The following MRC1 variants were observed in gnomAD, a reference collection of about 807,000 sequenced individuals.
The protein encoded by MRC1 is mannose receptor C-type 1.
A neutral mutation model predicts 102.9 loss-of-function variants in MRC1; 62 were observed. The observed-to-expected ratio is 0.60, with a 90% CI of 0.49 to 0.74. The LOEUF (loss-of-function observed/expected upper bound fraction) is 0.74, where lower values mean the gene tolerates loss of function less well. MRC1 is among the 30% of genes least tolerant of loss of function. The pLI, the probability that MRC1 is intolerant of heterozygous loss-of-function variation, is 0.00. For synonymous variants in MRC1, 457 were observed against 298.4 expected (o/e 1.53, Z -5.48); for missense variants, 1,237 against 862.8 (o/e 1.43, Z -5.43).
intron 12 of MRC1, among the ~76,000 whole-genome samples, chr10:17,869,672 G>T (rs1399697353): frequency 6.6e-6 from 1 of 152,120 alleles, no homozygotes; most frequent in Non-Finnish European, 1.5e-5. Flanking sequence ...CCAGATGGTT[G>T]TCTGTGTTTG....
chr10:17,894,960 C>A (rs1300336780), intron 23 of MRC1, among the ~76,000 whole-genome samples: 1 of 152,116 alleles, frequency 6.6e-6, no homozygotes, highest in African/African-American at 2.4e-5. Context: ...ATTGCTTGAG[C>A]CCCCGCATTT....
chr10:17,842,797 G>A (rs1354226634), intron 5 of MRC1, among the ~76,000 whole-genome samples: 11 of 152,130 alleles, frequency 7.2e-5, no homozygotes, highest in Admixed American at 7.2e-4. Context: ...AAAACTTCCG[G>A]GTTAACTTTG....
chr10:17,824,412 G>T (rs1026651019), intron 2 of MRC1, among the ~76,000 whole-genome samples: 1 of 152,286 alleles, frequency 6.6e-6, no homozygotes, highest in South Asian at 2.1e-4. Context: ...ATGTTACGGG[G>T]CTACTAAGAT....
At chr10:17,810,543 T>C (rs1387595905) in intron 1 of MRC1, among the ~76,000 whole-genome samples, 1 of 152,248 alleles carries the variant, frequency 6.6e-6, no homozygotes, top group Admixed American at 6.5e-5. Context: ...ATCCTGTCTC[T>C]CTCACTCACT....
At chr10:17,835,085 C>T (rs1346488953) in intron 4 of MRC1, among the ~76,000 whole-genome samples, 2 of 152,194 alleles carry the variant, frequency 1.3e-5, no homozygotes, top group African/African-American at 4.8e-5. Context: ...ATTTTGCGGT[C>T]ACAACAAAAG....
intron 12 of MRC1, among the ~76,000 whole-genome samples, chr10:17,869,847 ATTC>A (rs1833329756): frequency 1.3e-5 from 2 of 152,270 alleles, no homozygotes; most frequent in East Asian, 3.9e-4. Context: ...TTTCCTTCAA[ATTC>A]TTCTTCTTCA....
intron 6 of MRC1, among the ~76,000 whole-genome samples, chr10:17,846,743 A>G (rs1838831525): frequency 6.6e-6 from 1 of 152,244 alleles, no homozygotes; most frequent in East Asian, 1.9e-4. Flanking sequence ...CATTCCACGT[A>G]GAATATAAAC....
Position 17,881,079 on chromosome 10 carries a change from T to A in MRC1, c.2878T>A (p.Phe960Ile), listed in dbSNP as rs1833508573. Residue 960 changes from phenylalanine to isoleucine, a missense_variant, in exon 21 of 30, where the codon TTT (phenylalanine) becomes ATT (isoleucine). By Grantham distance (21) the Phe-to-Ile change is conservative. Transcript: ENST00000569591. ...TCTTCCATCCCAGTGTTTCAAAATC[T>A]TTGGATTTATGGAAGAAGAAAGAAA... ...NFYSNKCFKI[F>I]GFMEEERKNW... The A allele has an allele frequency of 1.3e-6, 1 of 780,714 alleles. No homozygotes were observed. Among genetic ancestry groups the A allele is most frequent in the Non-Finnish European group, 2.4e-6 (1 of 417,930 alleles). 48.4% of individuals were successfully genotyped at this position (780,714 alleles called of 1,614,324 possible).
intron 26 of MRC1, among the ~76,000 whole-genome samples, chr10:17,904,168 T>C (rs1833867097): frequency 1.3e-5 from 2 of 152,342 alleles, no homozygotes; most frequent in East Asian, 3.9e-4. Flanking sequence ...GATAGAGTTA[T>C]ACATAAAAAG....
At chr10:17,906,742 A>G (rs1204696577) in intron 26 of MRC1, 144 bp from the exon 27 acceptor site, 3 of 734,968 alleles carry the variant, frequency 4.1e-6, no homozygotes, top group Non-Finnish European at 7.5e-6. Flanking sequence ...TTCTGAGGAA[A>G]CAAACACCTG....
intron 1 of MRC1, among the ~76,000 whole-genome samples, chr10:17,811,713 G>C (rs1838225863): frequency 6.6e-6 from 1 of 151,870 alleles, no homozygotes; most frequent in African/African-American, 2.4e-5. Flanking sequence ...GGGACTTTGG[G>C]CTTGAGCCAC....
chr10:17,897,025 A>G (rs1726209783), intron 23 of MRC1, among the ~76,000 whole-genome samples: 1 of 152,250 alleles, frequency 6.6e-6, no homozygotes, highest in Non-Finnish European at 1.5e-5. Flanking sequence ...GATCATAGGC[A>G]ATACACAAAC....
At chr10:17,847,928 T>TTTTC (rs1370771277) in intron 6 of MRC1, among the ~76,000 whole-genome samples, 2 of 151,046 alleles carry the variant, frequency 1.3e-5, no homozygotes, top group Admixed American at 6.6e-5. Context: ...TTTTTCTTCT[T>TTTTC]TTTTTTTTTG....
intron 5 of MRC1, among the ~76,000 whole-genome samples, chr10:17,841,656 C>T (rs1838751094): frequency 2.6e-5 from 4 of 151,464 alleles, no homozygotes; most frequent in African/African-American, 9.7e-5. Flanking sequence ...TCTTATTCAC[C>T]AGTACCAACT....
At chr10:17,900,053 G>A (rs1379120484) in intron 24 of MRC1, among the ~76,000 whole-genome samples, 5 of 145,620 alleles carry the variant, frequency 3.4e-5, no homozygotes, top group Non-Finnish European at 5.9e-5. Flanking sequence ...AGCCTAGATC[G>A]AGCCATTGCA....
chr10:17,828,700 GA>G (rs1838521845), intron 3 of MRC1, among the ~76,000 whole-genome samples: 1 of 151,462 alleles, frequency 6.6e-6, no homozygotes, highest in East Asian at 1.9e-4. Context: ...GAAATCAATG[GA>G]ACTCGGTAAT....
intron 1 of MRC1, among the ~76,000 whole-genome samples, chr10:17,812,616 G>A (rs1230434189): frequency 1.6e-5 from 2 of 124,286 alleles, no homozygotes; most frequent in African/African-American, 6.4e-5. Flanking sequence ...CTGTCACCCA[G>A]CCTTGAGTGC....
At chr10:17,885,464 A>C in intron 22 of MRC1, 29 bp downstream of exon 22, 1 of 779,926 alleles carries the variant, frequency 1.3e-6, no homozygotes. Context: ...TCACCTCTCT[A>C]CACACCATCA....
chr10:17,839,589 G>A (rs1300525998), intron 4 of MRC1, among the ~76,000 whole-genome samples: 78 of 152,098 alleles, frequency 5.1e-4, no homozygotes, highest in African/African-American at 9.7e-5. Flanking sequence ...TAGGAGGAAC[G>A]CTTGGACCCA....
Sources: allele counts gnomAD v4.1 joint callset (sites outside exome capture counted in the v4.1 genomes callset), GRCh38; gene constraint gnomAD v4.1.1; transcripts MANE v1.5; gene names NCBI Gene and HGNC (gene_info 2026-07-23, HGNC 2026-07-21).